The following FBXO11 variants were observed in gnomAD, a reference collection of about 807,000 sequenced individuals.
FBXO11 encodes F-box protein 11.
In FBXO11, 13 loss-of-function variants were observed where a neutral mutation model predicts 117.0. The ratio of observed to expected loss-of-function variants is 0.11; its 90% CI spans 0.07 to 0.18. The LOEUF is 0.18. Among genes scored for constraint, FBXO11 ranks in the 10% least tolerant of loss-of-function variants. The pLI is 1.00. For missense variants in FBXO11, 767 were observed against 1,164.4 expected (o/e 0.66, Z 4.97); for synonymous variants, 490 against 380.5 (o/e 1.29, Z -3.35).
Position 47,900,905 on chromosome 2 carries a change from T to C in FBXO11, c.232+4584A>G, listed in dbSNP as rs935042392. On this transcript the variant is annotated intron_variant, in intron 1 of 22. Transcript: ENST00000403359. ...ATATATACACGTATATATACACACATATATATGTATATATATACACGTATT... is the reference window on the plus strand; with the variant it reads ...ATATATACACGTATATATACACACACATATATGTATATATATACACGTATT... 8.6e-5 allele frequency among the ~76,000 whole-genome samples: 11 copies of C among 128,612 alleles called. 2 individuals are homozygous for C. Among genetic ancestry groups the C allele is most frequent in the East Asian group, 8.3e-4 (4 of 4,834 alleles). 84.4% of individuals were successfully genotyped at this position (128,612 alleles called of 152,430 possible).
chr2:47,892,019 T>C (rs1439014141), intron 1 of FBXO11, among the ~76,000 whole-genome samples: 1 of 152,314 alleles, frequency 6.6e-6, no homozygotes, highest in South Asian at 2.1e-4. Context: ...GGAGATTAAC[T>C]CCTTATCAGA....
intron 18 of FBXO11, chr2:47,811,459 C>T (rs1048078817): frequency 6.6e-6 from 1 of 152,278 alleles, no homozygotes; most frequent in Admixed American, 6.5e-5. Context: ...AAATGATCCA[C>T]CCACCTGGGC....
intron 1 of FBXO11, among the ~76,000 whole-genome samples, chr2:47,876,409 G>A (rs1343030636): frequency 6.6e-6 from 1 of 152,132 alleles, no homozygotes; most frequent in African/African-American, 2.4e-5. Context: ...TATTCTTGCT[G>A]AAGTACAATC....
intron 1 of FBXO11, among the ~76,000 whole-genome samples, chr2:47,901,095 ACATATATATGTATATATG>A (rs1215422236): frequency 1.7e-5 from 2 of 114,904 alleles, no homozygotes; most frequent in African/African-American, 6.4e-5. Context: ...ACATATATAT[ACATATATATGTATATATG>A]TACACACGTG....
In FBXO11 at chr2:47,906,212, G is replaced by A; in HGVS notation, c.-492C>T. On this transcript the variant is annotated 5_prime_UTR_variant, in exon 1 of 23. Transcript: ENST00000403359. The stretch of plus-strand genomic sequence containing the variant: ...AGAAGGGAGGGAGGGAGCAGGGGGC[G>A]CCCGGCTCTTTTTTTTCCCTCTTCC... 6.0e-6 allele frequency: 1 copy of A among 167,480 alleles called. No individual in the cohort carries two copies. Among genetic ancestry groups the A allele is most frequent in the Non-Finnish European group, 1.3e-5 (1 of 77,324 alleles). 10.4% of individuals were successfully genotyped at this position (167,480 alleles called of 1,614,324 possible).
chr2:47,864,931 G>GT lies in FBXO11; in HGVS notation c.233-25163dup, dbSNP rs1675080824. Among the ~76,000 whole-genome samples, 5 of 152,326 alleles carry GT rather than the reference G, an allele frequency of 3.3e-5. 1 individual carries two copies. In the South Asian group the frequency reaches 1.0e-3, roughly 32 times the overall value. On this transcript the variant is annotated intron_variant, in intron 1 of 22. Transcript: ENST00000403359. ...ACAATACTTTAAGTAAAATATTAGT[G>GT]TAACACTTGACAAGACTTTCATTCT...
At position 47,906,025 on chromosome 2, in the gene FBXO11, G is replaced by C. The variant is rs1458029771; in HGVS notation, c.-305C>G. On this transcript the variant is annotated 5_prime_UTR_variant, in exon 1 of 23. Coordinates refer to ENST00000403359, the MANE Select transcript of FBXO11 (RefSeq NM_001190274.2). Reference sequence around the variant, plus strand: ...AGAAAGACGGGCAGACCGAGAGAAAGAAAGAAAGGGCGTCCGCCGCTTGGG... The same window carrying C: ...AGAAAGACGGGCAGACCGAGAGAAACAAAGAAAGGGCGTCCGCCGCTTGGG... 6.8e-6 allele frequency: 2 copies of C among 292,470 alleles called. No homozygotes were observed. The highest frequency in any genetic ancestry group is 1.3e-5 in the Non-Finnish European group (2 of 156,072). The allele number at this position is 292,470 out of a possible 1,614,324, so 18.1% of individuals were successfully genotyped here.
At chr2:47,837,991 C>T (rs1378568892) in intron 4 of FBXO11, among the ~76,000 whole-genome samples, 4 of 150,048 alleles carry the variant, frequency 2.7e-5, no homozygotes. Context: ...TTTGGGCGGC[C>T]GAGGTAGAAG....
chr2:47,848,871 CA>C (rs559049746), intron 1 of FBXO11, among the ~76,000 whole-genome samples: 235 of 152,136 alleles, frequency 1.5e-3, no homozygotes, highest in Admixed American at 4.1e-3. Context: ...TGAAAGTTTG[CA>C]AAAAATTATA....
chr2:47,900,593 TATACACACGTATACAC>T (rs1194965957), intron 1 of FBXO11, among the ~76,000 whole-genome samples: 1 of 114,834 alleles, frequency 8.7e-6, no homozygotes, highest in East Asian at 2.1e-4. Context: ...TATATACGTA[TATACACACGTATACAC>T]ACGTATATAC....
At chr2:47,852,447 T>C (rs1161669038) in intron 1 of FBXO11, among the ~76,000 whole-genome samples, 1 of 152,200 alleles carries the variant, frequency 6.6e-6, no homozygotes, top group Non-Finnish European at 1.5e-5. Flanking sequence ...ACAAATCAAG[T>C]AATCACCCGA....
intron 1 of FBXO11, among the ~76,000 whole-genome samples, chr2:47,859,111 T>C (rs1674553483): frequency 1.3e-5 from 2 of 151,068 alleles, no homozygotes; most frequent in South Asian, 4.2e-4. Flanking sequence ...AAGGAATTCA[T>C]ATCAACATTT....
chr2:47,809,091 G>C (rs1379087359), intron 21 of FBXO11, 67 bp downstream of exon 21: 2 of 975,832 alleles, frequency 2.0e-6, no homozygotes, highest in East Asian at 2.5e-5. Flanking sequence ...AAAAATGCTA[G>C]GCATTGCTAA....
At chr2:47,883,687 A>C (rs1218611295) in intron 1 of FBXO11, 3 of 270,746 alleles carry the variant, frequency 1.1e-5, no homozygotes, top group African/African-American at 2.2e-5. Flanking sequence ...GATGTTATCA[A>C]GGAAGAATTC....
At chr2:47,808,534 A>G (rs2710163) in intron 21 of FBXO11, 107 bp from the exon 22 acceptor site, 356,646 of 898,162 alleles carry the variant, frequency 0.4, 75,298 homozygotes, top group East Asian at 0.64. Flanking sequence ...GGACCAAAAC[A>G]AAATTCTTTG....
chr2:47,851,488 A>T (rs1164984210), intron 1 of FBXO11, among the ~76,000 whole-genome samples: 1 of 152,068 alleles, frequency 6.6e-6, no homozygotes, highest in Non-Finnish European at 1.5e-5. Context: ...CAGCTTCCCA[A>T]AGTGCTGGGA....
intron 1 of FBXO11, among the ~76,000 whole-genome samples, chr2:47,886,028 G>A (rs899483479): frequency 2.2e-5 from 3 of 134,360 alleles, no homozygotes; most frequent in Non-Finnish European, 3.6e-5. Flanking sequence ...TTAATGATGG[G>A]ATTATAAATT....
chr2:47,847,024 A>T (rs1673472546), intron 1 of FBXO11, among the ~76,000 whole-genome samples: 1 of 152,128 alleles, frequency 6.6e-6, no homozygotes, highest in Non-Finnish European at 1.5e-5. Flanking sequence ...GAGGCACTTC[A>T]TCTGAGGCCA....
In FBXO11 at chr2:47,900,656, ACACACACG is replaced by A. The variant is rs1678093383; in HGVS notation, c.232+4825_232+4832del. Among the ~76,000 whole-genome samples, 13 of 107,636 alleles carry A rather than the reference ACACACACG, an allele frequency of 1.2e-4. 1 individual carries two copies. The highest frequency in any genetic ancestry group is 1.6e-4 in the Non-Finnish European group (8 of 50,894). The allele number at this position is 107,636 out of a possible 152,430, so 70.6% of individuals were successfully genotyped here. On this transcript the variant is annotated intron_variant, in intron 1 of 22. Coordinates refer to ENST00000403359, the MANE Select transcript of FBXO11 (RefSeq NM_001190274.2). ...CACACGTACGTATATACACACGTAT[ACACACACG>A]TACGTATATACACACGTATACACAC... is the stretch of plus-strand genomic sequence containing the variant.
Sources: allele counts gnomAD v4.1 joint callset (sites outside exome capture counted in the v4.1 genomes callset), GRCh38; gene constraint gnomAD v4.1.1; transcripts MANE v1.5; gene names NCBI Gene and HGNC (gene_info 2026-07-23, HGNC 2026-07-21).